Variants in ELK3 observed in about 807,000 individuals in gnomAD.
ELK3 encodes ETS transcription factor ELK3.
ELK3 carries 10 observed loss-of-function variants against 28.9 expected under a neutral mutation model. The ratio of observed to expected loss-of-function variants is 0.35; its 90% confidence interval spans 0.21 to 0.59. The LOEUF (loss-of-function observed/expected upper bound fraction) is 0.59. Among genes scored for constraint, ELK3 ranks in the 20% least tolerant of loss-of-function variants. ELK3 has a pLI of 0.82. For missense variants in ELK3, 463 were observed against 517.3 expected, an observed-to-expected ratio of 0.90 and a Z score of 1.02; for synonymous variants, 272 against 243.5, an observed-to-expected ratio of 1.12 and a Z score of -1.09.
At chr12:96,264,580 C>T (rs1482390624) in intron 4 of ELK3, among the ~76,000 whole-genome samples, 4 of 151,964 alleles carry the variant, frequency 2.6e-5, no homozygotes, top group Non-Finnish European at 4.4e-5. Flanking sequence ...CCCAAGAGTT[C>T]GAGACCATCA....
chr12:96,249,697 A>C (rs1472384923), intron 3 of ELK3, among the ~76,000 whole-genome samples: 1 of 10,286 alleles, frequency 9.7e-5, no homozygotes, highest in Non-Finnish European at 2.4e-4. Flanking sequence ...TCACCTTCTC[A>C]GAACAGAGTG....
chr12:96,252,388 T>C (rs370455199), intron 3 of ELK3, among the ~76,000 whole-genome samples: 2 of 152,144 alleles, frequency 1.3e-5, no homozygotes, highest in East Asian at 1.9e-4. Flanking sequence ...ACTTAATAAA[T>C]ACATTTCATA....
chr12:96,224,979 C>A (rs1349694178), intron 2 of ELK3, among the ~76,000 whole-genome samples: 1 of 152,194 alleles, frequency 6.6e-6, no homozygotes, highest in South Asian at 2.1e-4. Flanking sequence ...ATCGTAATTG[C>A]ACGTGATTGT....
At chr12:96,251,508 C>T (rs1951906329) in intron 3 of ELK3, among the ~76,000 whole-genome samples, 1 of 152,174 alleles carries the variant, frequency 6.6e-6, no homozygotes, top group African/African-American at 2.4e-5. Flanking sequence ...ACGGTGAAGG[C>T]ATGTCCAAAA....
intron 1 of ELK3, among the ~76,000 whole-genome samples, chr12:96,221,378 T>C (rs1951660505): frequency 6.6e-6 from 1 of 152,204 alleles, no homozygotes; most frequent in Non-Finnish European, 1.5e-5. Context: ...GAACGTGATG[T>C]CAGTTAAAAG....
At chr12:96,206,666 A>C (rs996624220) in intron 1 of ELK3, among the ~76,000 whole-genome samples, 1 of 152,308 alleles carries the variant, frequency 6.6e-6, no homozygotes. Context: ...TAATATATTC[A>C]CGCTGAACAA....
chr12:96,229,885 A>C (rs1297661553), intron 2 of ELK3, among the ~76,000 whole-genome samples: 1 of 152,130 alleles, frequency 6.6e-6, no homozygotes, highest in Non-Finnish European at 1.5e-5. Context: ...ACCTTAATGC[A>C]TTATGACCTC....
intron 1 of ELK3, among the ~76,000 whole-genome samples, chr12:96,200,132 A>G (rs1019538392): frequency 2.6e-5 from 4 of 152,200 alleles, no homozygotes; most frequent in African/African-American, 7.2e-5. Context: ...TATATCATGT[A>G]TAGTAATTAG....
chr12:96,216,633 C>T (rs947817110), intron 1 of ELK3, among the ~76,000 whole-genome samples: 7 of 152,192 alleles, frequency 4.6e-5, no homozygotes, highest in African/African-American at 1.7e-4. Context: ...CCACAGCAAG[C>T]TCTGTGAGGA....
intron 4 of ELK3, among the ~76,000 whole-genome samples, chr12:96,265,700 T>C (rs967521799): frequency 5.9e-5 from 9 of 152,038 alleles, no homozygotes; most frequent in Non-Finnish European, 1.0e-4. Context: ...AATAAATAAA[T>C]GAAAATTTAA....
chr12:96,244,005 CAA>C (rs146090608), intron 2 of ELK3, among the ~76,000 whole-genome samples: 23,130 of 111,022 alleles, frequency 0.21, 1,891 homozygotes, highest in East Asian at 0.37. Flanking sequence ...GACTCCATCT[CAA>C]AAAAAAAAAA....
chr12:96,245,183 T>C (rs757260764), intron 2 of ELK3, among the ~76,000 whole-genome samples: 1 of 152,096 alleles, frequency 6.6e-6, no homozygotes, highest in Non-Finnish European at 1.5e-5. Flanking sequence ...GCTGCCATCA[T>C]TTAAGGAGGG....
At chr12:96,254,547 C>T (rs1317357831) in intron 3 of ELK3, among the ~76,000 whole-genome samples, 1 of 152,052 alleles carries the variant, frequency 6.6e-6, no homozygotes, top group Non-Finnish European at 1.5e-5. Context: ...CACAGAGAAG[C>T]GCTTTAGGAG....
rs146248131 is a variant in ELK3 at position 96,213,429 on chromosome 12, C to T, written c.-2-10136C>T. On this transcript the variant is annotated intron_variant, in intron 1 of 4. Coordinates refer to ENST00000228741, the MANE Select transcript of ELK3 (RefSeq NM_005230.4). ...GCCCTTTTCTGTCTTACTGTGGGCC[C>T]GCTCTGAAAATGTAGGATAACATAG... Among the ~76,000 whole-genome samples the T allele has an allele frequency of 3.4e-3, 512 of 152,234 alleles. 2 individuals carry two copies. Among genetic ancestry groups the T allele is most frequent in the South Asian group, 6.8e-3 (33 of 4,826 alleles).
chr12:96,246,955 G>A lies in ELK3; in HGVS notation c.223G>A (p.Val75Met). Residue 75 changes from valine to methionine, a missense_variant, in exon 3 of 5, where the codon GTG becomes ATG. By Grantham distance (21) the Val-to-Met change is conservative. Around this residue, in one of 2 missense-constraint regions of ELK3, gnomAD observed 55 missense variants for 102.5 expected, o/e 0.54. Transcript: ENST00000228741. ...GTATTTGCAGAACATCATCAAGAAGGTGATCGGGCAGAAGTTTGTGTACAA... is the reference window on the plus strand; with the variant it reads ...GTATTTGCAGAACATCATCAAGAAGATGATCGGGCAGAAGTTTGTGTACAA... ...YYYDKNIIKK[V>M]IGQKFVYKFV... is the part of the protein sequence containing the mutation. 1 of 1,598,240 alleles carries A rather than the reference G, an allele frequency of 6.3e-7. No individual in the cohort carries two copies. Among genetic ancestry groups the A allele is most frequent in the Non-Finnish European group, 8.5e-7 (1 of 1,170,572 alleles).
In ELK3 at chr12:96,237,470, C is replaced by G. The variant is rs529598406; in HGVS notation, c.208-9470C>G. On this transcript the variant is annotated intron_variant, in intron 2 of 4. Coordinates refer to ENST00000228741, the MANE Select transcript of ELK3 (RefSeq NM_005230.4). ...ATGGCCAGCTGACTGCTCACTGTCC[C>G]CTCTGCTTCAATGGCAGAGACAGAG... Among the ~76,000 whole-genome samples, 506 of 152,316 alleles carry G rather than the reference C, an allele frequency of 3.3e-3. 4 individuals carry two copies. The highest frequency in any genetic ancestry group is 0.017 in the Middle Eastern group (5 of 294).
chr12:96,262,645 C>T (rs915301513), intron 4 of ELK3, among the ~76,000 whole-genome samples: 9 of 151,998 alleles, frequency 5.9e-5, no homozygotes, highest in African/African-American at 1.9e-4. Flanking sequence ...ATTAGTCTTC[C>T]TGTGAAAAGA....
chr12:96,238,297 G>C (rs1951797833), intron 2 of ELK3, among the ~76,000 whole-genome samples: 1 of 152,226 alleles, frequency 6.6e-6, no homozygotes, highest in Non-Finnish European at 1.5e-5. Flanking sequence ...ATTAGCCTAT[G>C]GGGTATTTTT....
At chr12:96,230,682 A>G (rs531838056) in intron 2 of ELK3, among the ~76,000 whole-genome samples, 1 of 152,264 alleles carries the variant, frequency 6.6e-6, no homozygotes, top group Admixed American at 6.5e-5. Flanking sequence ...CATGATTTTA[A>G]TAGATGACTT....
Sources: gnomAD v4.1 joint callset for allele counts (sites outside exome capture counted in the v4.1 genomes callset) on GRCh38, gnomAD v4.1.1 for gene constraint, gnomAD v4.1.1 regional missense constraint, MANE v1.5 for transcripts, NCBI Gene and HGNC (gene_info 2026-07-23, HGNC 2026-07-21) for gene names.